Variants in ITGBL1 observed in about 807,000 individuals in gnomAD.
The protein encoded by ITGBL1 is integrin beta-like protein 1.
Under a neutral mutation model 68.5 loss-of-function variants are expected in ITGBL1, and 51 were observed. That is an observed-to-expected ratio of 0.74 (90% CI 0.59 to 0.94). The LOEUF (loss-of-function observed/expected upper bound fraction) is 0.94. Ranked by LOEUF, ITGBL1 falls within the 40% of genes least tolerant of loss-of-function variation. ITGBL1 has a pLI of 0.00. For missense variants in ITGBL1, 649 were observed against 647.4 expected, an observed-to-expected ratio of 1.00 and a Z score of -0.03; for synonymous variants, 209 against 227.3, an observed-to-expected ratio of 0.92 and a Z score of 0.72.
chr13:101,539,050 C>CTTT (rs35288585), intron 2 of ITGBL1, among the ~76,000 whole-genome samples: 7,467 of 99,396 alleles, frequency 0.075, 291 homozygotes, highest in Non-Finnish European at 0.09. Context: ...TGTGCTGCTT[C>CTTT]TTTTTTTTTT....
chr13:101,673,863 A>G (rs769180328), intron 7 of ITGBL1, among the ~76,000 whole-genome samples: 1 of 152,178 alleles, frequency 6.6e-6, no homozygotes, highest in Non-Finnish European at 1.5e-5. Flanking sequence ...AAAGGGTTTC[A>G]TACTGACTCC....
intron 4 of ITGBL1, among the ~76,000 whole-genome samples, chr13:101,578,940 C>T (rs1224691865): frequency 6.6e-6 from 1 of 152,050 alleles, no homozygotes; most frequent in African/African-American, 2.4e-5. Flanking sequence ...ATTCAAGAAA[C>T]GTCCTTAGAG....
intron 7 of ITGBL1, among the ~76,000 whole-genome samples, chr13:101,684,314 T>G (rs2033705519): frequency 6.6e-6 from 1 of 152,016 alleles, no homozygotes; most frequent in African/African-American, 2.4e-5. Context: ...CTCCTTCTTG[T>G]TCATAAGTAT....
At chr13:101,549,709 CAT>C (rs1231577323) in intron 2 of ITGBL1, among the ~76,000 whole-genome samples, 26 of 151,924 alleles carry the variant, frequency 1.7e-4, no homozygotes, top group South Asian at 4.1e-4. Context: ...ACAGTTGACA[CAT>C]GTCAGTGAAA....
rs374486442 is a variant in ITGBL1 at position 101,556,454 on chromosome 13, T to C, written c.317-11245T>C. 3.3e-5 allele frequency among the ~76,000 whole-genome samples: 5 copies of C among 151,838 alleles called. No individual in the cohort carries two copies. In the South Asian group the frequency reaches 6.3e-4, roughly 19 times the overall value. ...GAGTTCGAGACCAGCCTGACCAACA[T>C]GGAGAAACCCTGTCACTACTAAAAA... On this transcript the variant is annotated intron_variant, in intron 2 of 10. Coordinates refer to ENST00000376180, the MANE Select transcript of ITGBL1 (RefSeq NM_004791.3).
intron 9 of ITGBL1, chr13:101,711,930 G>C (rs1349644903): frequency 6.6e-6 from 1 of 152,314 alleles, no homozygotes. Context: ...GGTCTCAGGG[G>C]TGTGAGTGGG....
chr13:101,500,128 T>C (rs2048916806), intron 2 of ITGBL1, among the ~76,000 whole-genome samples: 1 of 152,182 alleles, frequency 6.6e-6, no homozygotes, highest in Admixed American at 6.5e-5. Flanking sequence ...AGACAGTAAA[T>C]CCAGAATACA....
intron 7 of ITGBL1, among the ~76,000 whole-genome samples, chr13:101,609,923 AT>A (rs1566756765): frequency 1.3e-5 from 2 of 152,152 alleles, no homozygotes; most frequent in Non-Finnish European, 2.9e-5. Flanking sequence ...GACAAGTTTC[AT>A]TACATTTTGC....
At chr13:101,674,195 C>T (rs1232452335) in intron 7 of ITGBL1, among the ~76,000 whole-genome samples, 4 of 152,242 alleles carry the variant, frequency 2.6e-5, no homozygotes, top group South Asian at 4.1e-4. Flanking sequence ...CACACACTCG[C>T]GTGCATGCAC....
At chr13:101,596,772 T>C (rs946972266) in intron 6 of ITGBL1, among the ~76,000 whole-genome samples, 2 of 152,074 alleles carry the variant, frequency 1.3e-5, no homozygotes, top group African/African-American at 4.8e-5. Flanking sequence ...TATTTATCCA[T>C]AGAGGAATCT....
chr13:101,676,077 T>G (rs1243901079), intron 7 of ITGBL1, among the ~76,000 whole-genome samples: 1 of 151,652 alleles, frequency 6.6e-6, no homozygotes, highest in East Asian at 1.9e-4. Flanking sequence ...TAATAGATAT[T>G]TTAGTCAATG....
chr13:101,709,720 AC>A (rs1453492454), intron 9 of ITGBL1, among the ~76,000 whole-genome samples: 1 of 152,224 alleles, frequency 6.6e-6, no homozygotes, highest in Non-Finnish European at 1.5e-5. Context: ...TTAAGAGTCA[AC>A]TATTGTTTGT....
intron 2 of ITGBL1, among the ~76,000 whole-genome samples, chr13:101,515,414 G>A (rs1372212175): frequency 6.6e-6 from 1 of 151,958 alleles, no homozygotes; most frequent in Non-Finnish European, 1.5e-5. Flanking sequence ...GTGTGTGTTG[G>A]TAGTAAGAAA....
intron 2 of ITGBL1, among the ~76,000 whole-genome samples, chr13:101,505,222 G>T (rs189142326): frequency 1.1e-3 from 174 of 152,260 alleles, no homozygotes; most frequent in Non-Finnish European, 1.5e-3. Flanking sequence ...AAGGATATTT[G>T]TGCTTCTCTC....
At chr13:101,564,332 C>T (rs2050146844) in intron 2 of ITGBL1, among the ~76,000 whole-genome samples, 1 of 151,766 alleles carries the variant, frequency 6.6e-6, no homozygotes, top group South Asian at 2.1e-4. Flanking sequence ...ACCACAAAAA[C>T]CACTATTAAA....
chr13:101,637,049 CTATTTT>C (rs2032193185), intron 7 of ITGBL1, among the ~76,000 whole-genome samples: 1 of 152,072 alleles, frequency 6.6e-6, no homozygotes, highest in African/African-American at 2.4e-5. Flanking sequence ...ATTCATTAGA[CTATTTT>C]TATAGTTATA....
chr13:101,579,529 A>T (rs773482827), intron 5 of ITGBL1, 102 bp downstream of exon 5: 1 of 1,189,272 alleles, frequency 8.4e-7, no homozygotes, highest in Admixed American at 2.4e-5. Flanking sequence ...GGAGGAAGTT[A>T]TCTTCTAACC....
intron 7 of ITGBL1, among the ~76,000 whole-genome samples, chr13:101,606,788 A>AT (rs2030887901): frequency 2.0e-5 from 3 of 151,976 alleles, no homozygotes; most frequent in Admixed American, 2.0e-4. Flanking sequence ...CCAAGGTTCT[A>AT]TGATGTGAAT....
chr13:101,684,417 C>T (rs187827191), intron 7 of ITGBL1, among the ~76,000 whole-genome samples: 152 of 151,898 alleles, frequency 1.0e-3, no homozygotes, highest in Middle Eastern at 3.4e-3. Context: ...GTAGTTACAT[C>T]GAATCTATAG....
Sources: allele counts gnomAD v4.1 joint callset (sites outside exome capture counted in the v4.1 genomes callset), GRCh38; gene constraint gnomAD v4.1.1; transcripts MANE v1.5; gene names NCBI Gene and HGNC (gene_info 2026-07-23, HGNC 2026-07-21).